Variants in CNGA3 observed in about 807,000 individuals in gnomAD.
CNGA3 encodes cyclic nucleotide-gated channel alpha-3.
CNGA3 carries 42 observed loss-of-function variants against 46.6 expected under a neutral mutation model. The observed-to-expected ratio is 0.90, with a 90% CI of 0.70 to 1.17. The LOEUF is 1.17. CNGA3 is among the 50% of genes most tolerant of loss of function. The pLI is 0.00. For missense variants in CNGA3, 893 were observed against 890.7 expected, an observed-to-expected ratio of 1.00 and a Z score of -0.03; for synonymous variants, 394 against 369.4, an observed-to-expected ratio of 1.07 and a Z score of -0.76.
chr2:98,347,532 A>G (rs936607603), intron 1 of CNGA3, among the ~76,000 whole-genome samples: 3 of 152,272 alleles, frequency 2.0e-5, no homozygotes, highest in Non-Finnish European at 4.4e-5. Context: ...GGCCCTCTGC[A>G]GCGGGGGTCT....
Position 98,383,881 on chromosome 2 carries a change from ATTG to A in CNGA3, c.449+446_449+448del, listed in dbSNP as rs72449243. On this transcript the variant is annotated intron_variant, in intron 5 of 7. Transcript: ENST00000272602. ...TGCCCTTGTTTTTGCTGCTGTTGTT[ATTG>A]TTGTTTGTTTGTTTGTTTTTGAGAT... Among the ~76,000 whole-genome samples, 649 of 151,660 alleles carry A rather than the reference ATTG, an allele frequency of 4.3e-3. 7 individuals carry two copies. The highest frequency in any genetic ancestry group is 0.014 in the African/African-American group (596 of 41,318).
At chr2:98,363,111 T>C (rs929158424) in intron 1 of CNGA3, among the ~76,000 whole-genome samples, 3 of 152,128 alleles carry the variant, frequency 2.0e-5, no homozygotes, top group Non-Finnish European at 4.4e-5. Flanking sequence ...GTTCTTTTTG[T>C]TTAGGATTGT....
chr2:98,390,958 A>T (rs1337230367), intron 6 of CNGA3, among the ~76,000 whole-genome samples: 1 of 152,186 alleles, frequency 6.6e-6, no homozygotes, highest in Admixed American at 6.5e-5. Context: ...CGGAGCCAGT[A>T]TGCAAAATGA....
chr2:98,347,948 TCATGGGGGACGC>T (rs1396957119), intron 1 of CNGA3, among the ~76,000 whole-genome samples: 1 of 152,082 alleles, frequency 6.6e-6, no homozygotes, highest in African/African-American at 2.4e-5. Context: ...CGCTGAGAAT[TCATGGGGGACGC>T]GGGTGGTTGG....
At chr2:98,377,510 A>G in intron 2 of CNGA3, 177 bp from the exon 3 acceptor site, 2 of 645,780 alleles carry the variant, frequency 3.1e-6, no homozygotes, top group South Asian at 3.5e-5. Flanking sequence ...CCACGTTTAT[A>G]CCAAAATCCA....
chr2:98,352,636 A>T (rs1691792164), intron 1 of CNGA3, among the ~76,000 whole-genome samples: 1 of 152,196 alleles, frequency 6.6e-6, no homozygotes, highest in African/African-American at 2.4e-5. Flanking sequence ...TCCAGATGAG[A>T]TTAGTATTTG....
In CNGA3 at chr2:98,396,583, C is replaced by T. The variant is rs771835849; in HGVS notation, c.1413C>T (p.Asn471=). Residue 471 remains asparagine (N), a synonymous_variant, in exon 8 of 8, where the codon AAC becomes AAT. Transcript: ENST00000272602. ...PDKLKAEIAI[N]VHLDTLKKVR... ...AGCTGAAGGCTGAGATCGCCATCAACGTGCACCTGGACACGCTGAAGAAGG... is the reference window on the plus strand; with the variant it reads ...AGCTGAAGGCTGAGATCGCCATCAATGTGCACCTGGACACGCTGAAGAAGG... The T allele has an allele frequency of 3.7e-5, 59 of 1,613,962 alleles. No homozygotes were observed. Among genetic ancestry groups the T allele is most frequent in the Non-Finnish European group, 4.4e-5 (52 of 1,179,952 alleles).
chr2:98,364,248 T>C (rs1041658501), intron 1 of CNGA3, among the ~76,000 whole-genome samples: 2 of 152,012 alleles, frequency 1.3e-5, no homozygotes, highest in Non-Finnish European at 2.9e-5. Context: ...CATGGTGGCA[T>C]GGGCGTGTTA....
intron 5 of CNGA3, among the ~76,000 whole-genome samples, chr2:98,385,315 A>G (rs1158934462): frequency 6.6e-6 from 1 of 152,120 alleles, no homozygotes; most frequent in East Asian, 1.9e-4. Context: ...GGTTCACATC[A>G]CCCTGGAGGA....
chr2:98,347,423 G>GCGCGCAGGCC (rs1691659181), intron 1 of CNGA3, among the ~76,000 whole-genome samples: 2 of 152,290 alleles, frequency 1.3e-5, no homozygotes, highest in South Asian at 4.1e-4. Flanking sequence ...GGGGGCCTTG[G>GCGCGCAGGCC]CGCGCAGGCC....
At chr2:98,393,065 A>C (rs1162411513) in intron 7 of CNGA3, among the ~76,000 whole-genome samples, 1 of 152,136 alleles carries the variant, frequency 6.6e-6, no homozygotes, top group African/African-American at 2.4e-5. Context: ...CAGGAGTTCC[A>C]GACTAGCCAG....
rs750420896 is a variant in CNGA3, at chr2:98,369,947, T to TG, written c.-23dup. The TG allele has an allele frequency of 3.8e-6, 6 of 1,575,676 alleles. No homozygotes were observed. Among genetic ancestry groups the TG allele is most frequent in the South Asian group, 1.1e-5 (1 of 89,824 alleles). On this transcript the variant is annotated 5_prime_UTR_variant, in exon 2 of 8. Transcript: ENST00000272602. ...TTGTGTTCACATTTTAGCAATCATC[T>TG]GGGGGGCTAAATGTGACAAACCGAG... is the stretch of plus-strand genomic sequence containing the variant.
At chr2:98,384,010 C>A (rs929904942) in intron 5 of CNGA3, among the ~76,000 whole-genome samples, 33 of 152,108 alleles carry the variant, frequency 2.2e-4, no homozygotes, top group African/African-American at 8.0e-4. Context: ...CTTCAGCTTC[C>A]CGAGTAGCTG....
intron 2 of CNGA3, among the ~76,000 whole-genome samples, chr2:98,376,470 G>A (rs1035406756): frequency 9.9e-5 from 15 of 152,158 alleles, no homozygotes; most frequent in African/African-American, 3.6e-4. Flanking sequence ...AATGTGGGGA[G>A]GCTGAGAGAG....
intron 1 of CNGA3, among the ~76,000 whole-genome samples, chr2:98,356,983 C>T (rs1382363659): frequency 6.6e-6 from 1 of 152,168 alleles, no homozygotes; most frequent in Admixed American, 6.5e-5. Flanking sequence ...GTTATTAGAA[C>T]AGTAACAGGC....
intron 7 of CNGA3, among the ~76,000 whole-genome samples, chr2:98,395,295 G>A (rs773132348): frequency 1.4e-4 from 21 of 151,898 alleles, no homozygotes; most frequent in Non-Finnish European, 2.9e-4. Flanking sequence ...TCAGCTTCCT[G>A]AGTAGCTGGG....
intron 1 of CNGA3, among the ~76,000 whole-genome samples, chr2:98,361,784 T>C (rs972981855): frequency 2.0e-5 from 3 of 150,232 alleles, no homozygotes; most frequent in Non-Finnish European, 3.0e-5. Context: ...CTCGGCTCTC[T>C]GCAAGCTCCA....
chr2:98,389,707 C>G lies in CNGA3; in HGVS notation c.499C>G (p.Leu167Val), dbSNP rs1234249954. Residue 167 changes from leucine (L) to valine (V), a missense_variant, in exon 6 of 8, where the codon CTG becomes GTG. Around this residue, in one of 3 missense-constraint regions of CNGA3, gnomAD observed 333 missense variants for 290.8 expected, o/e 1.15. Coordinates refer to ENST00000272602, the MANE Select transcript of CNGA3 (RefSeq NM_001298.3). ...DAIVVDPSSN[L>V]YYRWLTAIAL... Reference sequence around the variant, plus strand: ...GATCGTGGTGGACCCGTCCAGCAACCTGTACTACCGCTGGCTGACCGCCAT... The same window carrying G: ...GATCGTGGTGGACCCGTCCAGCAACGTGTACTACCGCTGGCTGACCGCCAT... 3.0e-5 allele frequency: 48 copies of G among 1,613,720 alleles called. No homozygotes were observed. The highest frequency in any genetic ancestry group is 4.1e-5 in the Non-Finnish European group (48 of 1,180,040).
intron 1 of CNGA3, among the ~76,000 whole-genome samples, chr2:98,367,185 C>CTTTTTTTTTTTTTTTTTTTTT (rs558997785): frequency 8.4e-5 from 8 of 95,202 alleles, no homozygotes; most frequent in African/African-American, 2.8e-4. Context: ...TCTTTTTTTT[C>CTTTTTTTTTTTTTTTTTTTTT]TTTTTTTTTT....
Sources: gnomAD v4.1 joint callset for allele counts (sites outside exome capture counted in the v4.1 genomes callset) on GRCh38, gnomAD v4.1.1 for gene constraint, gnomAD v4.1.1 regional missense constraint, MANE v1.5 for transcripts, NCBI Gene and HGNC (gene_info 2026-07-23, HGNC 2026-07-21) for gene names.